Variants in BRMS1L observed in about 807,000 individuals in gnomAD.
BRMS1L encodes the protein breast cancer metastasis-suppressor 1-like protein.
Under a neutral mutation model 50.3 loss-of-function variants are expected in BRMS1L, and 23 were observed. That is an observed-to-expected ratio of 0.46 (90% CI 0.33 to 0.65). The LOEUF (loss-of-function observed/expected upper bound fraction) is 0.65. Ranked by LOEUF, BRMS1L falls within the 30% of genes least tolerant of loss-of-function variation. The pLI is 0.02. For synonymous variants in BRMS1L, 114 were observed against 126.9 expected, an observed-to-expected ratio of 0.90 and a Z score of 0.69; for missense variants, 286 against 386.1, an observed-to-expected ratio of 0.74 and a Z score of 2.17.
intron 4 of BRMS1L, among the ~76,000 whole-genome samples, chr14:35,839,630 G>A (rs1442103117): frequency 6.6e-6 from 1 of 152,118 alleles, no homozygotes; most frequent in Non-Finnish European, 1.5e-5. Context: ...TCTCTTTGTA[G>A]CAATTGTGAA....
chr14:35,831,370 AAATT>A (rs2077916398), intron 1 of BRMS1L, 36 bp from the exon 2 acceptor site: 1 of 1,451,640 alleles, frequency 6.9e-7, no homozygotes, highest in Non-Finnish European at 9.6e-7. Context: ...ATAAATTTGA[AAATT>A]AAGTTTATCT....
intron 1 of BRMS1L, among the ~76,000 whole-genome samples, chr14:35,830,151 C>T (rs2077900265): frequency 6.6e-6 from 1 of 152,170 alleles, no homozygotes; most frequent in African/African-American, 2.4e-5. Flanking sequence ...CTCACCACAA[C>T]CTCCACCTCC....
At chr14:35,835,035 C>A in intron 4 of BRMS1L, 112 bp downstream of exon 4, 5 of 536,318 alleles carry the variant, frequency 9.3e-6, no homozygotes, top group African/African-American at 2.0e-5. Flanking sequence ...TACTTTAGCT[C>A]ATCATTTGTG....
intron 9 of BRMS1L, 144 bp from the exon 10 acceptor site, chr14:35,870,216 T>TA (rs772091453): frequency 4.0e-5 from 22 of 555,974 alleles, no homozygotes; most frequent in Non-Finnish European, 6.6e-5. Flanking sequence ...GTACTGCTGA[T>TA]ATGCAGCATT....
chr14:35,832,227 G>A (rs1284066762), intron 2 of BRMS1L, among the ~76,000 whole-genome samples: 2 of 151,404 alleles, frequency 1.3e-5, no homozygotes, highest in South Asian at 2.1e-4. Context: ...AGGCTGGGCC[G>A]GGCACGGTGG....
intron 8 of BRMS1L, among the ~76,000 whole-genome samples, chr14:35,866,952 T>G (rs1398590196): frequency 6.6e-6 from 1 of 152,162 alleles, no homozygotes; most frequent in Non-Finnish European, 1.5e-5. Flanking sequence ...AGCACTTCAC[T>G]CAATTTGTAC....
chr14:35,846,969 T>A lies in BRMS1L; in HGVS notation c.441+12046T>A, dbSNP rs564333523. Among the ~76,000 whole-genome samples the A allele has an allele frequency of 2.7e-4, 41 of 151,942 alleles. No individual in the cohort carries two copies. In the East Asian group the frequency reaches 5.0e-3, roughly 19 times the overall value. On this transcript the variant is annotated intron_variant, in intron 4 of 9. Transcript: ENST00000216807. Reference sequence around the variant, plus strand: ...TGGATTTGTTTATATTGCTGTTTTTTTAAAAAAAAACACAAAAAAATAAAA... The same window carrying A: ...TGGATTTGTTTATATTGCTGTTTTTATAAAAAAAAACACAAAAAAATAAAA...
intron 4 of BRMS1L, among the ~76,000 whole-genome samples, chr14:35,844,803 T>A (rs1231259470): frequency 6.6e-6 from 1 of 152,218 alleles, no homozygotes; most frequent in African/African-American, 2.4e-5. Flanking sequence ...TATTTTTTGC[T>A]GCTATATCAA....
Position 35,838,575 on chromosome 14 carries a change from G to A in BRMS1L, c.441+3652G>A, listed in dbSNP as rs892218565. On this transcript the variant is annotated intron_variant, in intron 4 of 9. Coordinates refer to ENST00000216807, the MANE Select transcript of BRMS1L (RefSeq NM_032352.4). ...TTTAATGATCACCATTCTAACTGGC[G>A]TGAGATGGTATCTCATTGTGGTTTT... Among the ~76,000 whole-genome samples the A allele has an allele frequency of 5.3e-5, 8 of 152,140 alleles. No homozygotes were observed. In the East Asian group the frequency reaches 7.7e-4, roughly 15 times the overall value.
chr14:35,853,302 A>AT (rs2078237382), intron 4 of BRMS1L, among the ~76,000 whole-genome samples: 1 of 151,698 alleles, frequency 6.6e-6, no homozygotes, highest in Non-Finnish European at 1.5e-5. Flanking sequence ...TATCTTGATG[A>AT]TTTTTTAAAA....
intron 4 of BRMS1L, among the ~76,000 whole-genome samples, chr14:35,851,860 A>T (rs1326091743): frequency 6.6e-6 from 1 of 152,206 alleles, no homozygotes; most frequent in Non-Finnish European, 1.5e-5. Flanking sequence ...TCCCTTGTTC[A>T]TTGTAGCATT....
chr14:35,826,762 A>G, intron 1 of BRMS1L, 104 bp downstream of exon 1: 1 of 1,498,040 alleles, frequency 6.7e-7, no homozygotes, highest in South Asian at 1.3e-5. Context: ...CGGGGCGGGG[A>G]CAGAGGGAAG....
chr14:35,868,894 C>T lies in BRMS1L; in HGVS notation c.854+862C>T, dbSNP rs372314799. Among the ~76,000 whole-genome samples the T allele has an allele frequency of 2.2e-4, 33 of 152,254 alleles. No individual in the cohort carries two copies. In the South Asian group the frequency reaches 3.1e-3, roughly 14 times the overall value. Reference sequence around the variant, plus strand: ...AAAGTTTATATAACTATTTGTATAGCCTTCTAAGTTTTATCTGGTTGTGAC... The same window carrying T: ...AAAGTTTATATAACTATTTGTATAGTCTTCTAAGTTTTATCTGGTTGTGAC... On this transcript the variant is annotated intron_variant, in intron 9 of 9. Transcript: ENST00000216807.
chr14:35,834,813 A>G (rs1211596312), intron 3 of BRMS1L, 31 bp from the exon 4 acceptor site: 1 of 1,432,820 alleles, frequency 7.0e-7, no homozygotes, highest in Non-Finnish European at 9.3e-7. Context: ...CTCATTGCTA[A>G]CATAATCAGA....
intron 4 of BRMS1L, among the ~76,000 whole-genome samples, chr14:35,839,533 C>T (rs1451662876): frequency 6.6e-6 from 1 of 152,052 alleles, no homozygotes; most frequent in African/African-American, 2.4e-5. Context: ...TGTTTGTGTC[C>T]TCTCTTATTT....
intron 4 of BRMS1L, among the ~76,000 whole-genome samples, chr14:35,843,560 G>A (rs60600535): frequency 0.045 from 6,883 of 152,230 alleles, 223 homozygotes; most frequent in Middle Eastern, 0.071. Context: ...TGGAAGCTTC[G>A]TCCCAGAGGG....
At chr14:35,865,341 A>G (rs947563952) in intron 7 of BRMS1L, among the ~76,000 whole-genome samples, 1 of 152,232 alleles carries the variant, frequency 6.6e-6, no homozygotes, top group African/African-American at 2.4e-5. Flanking sequence ...CACTTGATAA[A>G]TATTTGTTGA....
intron 4 of BRMS1L, among the ~76,000 whole-genome samples, chr14:35,838,515 C>T (rs1372837874): frequency 3.3e-5 from 5 of 152,190 alleles, no homozygotes; most frequent in African/African-American, 1.2e-4. Flanking sequence ...TCCTATTTCT[C>T]CACATCCTCT....
At chr14:35,832,400 G>A (rs1204880207) in intron 2 of BRMS1L, among the ~76,000 whole-genome samples, 1 of 151,352 alleles carries the variant, frequency 6.6e-6, no homozygotes, top group Non-Finnish European at 1.5e-5. Flanking sequence ...CCAGCTACTC[G>A]GGAGGCTGAG....
Sources: gnomAD v4.1 joint callset for allele counts (sites outside exome capture counted in the v4.1 genomes callset) on GRCh38, gnomAD v4.1.1 for gene constraint, MANE v1.5 for transcripts, NCBI Gene and HGNC (gene_info 2026-07-23, HGNC 2026-07-21) for gene names.